PGAM1: variants seen among roughly 807,000 people sequenced by gnomAD.
The protein encoded by PGAM1 is BPG-dependent PGAM 1.
A neutral mutation model predicts 23.5 loss-of-function variants in PGAM1; 21 were observed. The ratio of observed to expected loss-of-function variants is 0.89; its 90% CI spans 0.63 to 1.29. The LOEUF is 1.29. PGAM1 is among the 50% of genes most tolerant of loss of function. PGAM1 has a pLI of 0.00. For synonymous variants in PGAM1, 109 were observed against 128.6 expected (o/e 0.85, Z 1.03); for missense variants, 232 against 336.3 (o/e 0.69, Z 2.42).
chr10:97,430,498 C>G lies in PGAM1; in HGVS notation c.259C>G (p.Leu87Val), dbSNP rs149578283. 5.0e-6 allele frequency: 8 copies of G among 1,601,794 alleles called. No individual in the cohort carries two copies. The highest frequency in any genetic ancestry group is 5.9e-6 in the Non-Finnish European group (7 of 1,179,664). ...GCTGCCAGTGGTGAGGACTTGGCGC[C>G]TCAATGAGCGGCACTATGGGGGTCT... ...MWLPVVRTWRLNERHYGGLTG... is the reference protein window; with the variant it reads ...MWLPVVRTWRVNERHYGGLTG... Residue 87 changes from leucine (L) to valine (V), a missense_variant, in exon 2 of 4, where the codon CTC (leucine) becomes GTC (valine). Physicochemically the swap from Leu to Val is conservative, Grantham distance 32 (BLOSUM62 1). This residue lies in a region of PGAM1 where 191 missense variants were observed against 241.7 expected (regional missense o/e 0.79). Transcript: ENST00000334828.
intron 1 of PGAM1, chr10:97,427,292 A>G: frequency 4.1e-6 from 4 of 986,536 alleles, no homozygotes; most frequent in African/African-American, 3.5e-5. Flanking sequence ...CAAGCCTCAG[A>G]ACACCAAGAA....
In PGAM1 at chr10:97,426,301, C is replaced by G; in HGVS notation, c.-7C>G. 10 of 1,610,214 alleles carry G rather than the reference C, an allele frequency of 6.2e-6. No homozygotes were observed. The highest frequency in any genetic ancestry group is 8.5e-6 in the Non-Finnish European group (10 of 1,179,252). ...CCCAGTCGGTGCCGCATCCCCAGCCCGCCGCCATGGCCGCCTACAAACTGG... is the reference window on the plus strand; with the variant it reads ...CCCAGTCGGTGCCGCATCCCCAGCCGGCCGCCATGGCCGCCTACAAACTGG... On this transcript the variant is annotated 5_prime_UTR_variant, in exon 1 of 4. Transcript: ENST00000334828.
chr10:97,427,534 C>T, intron 1 of PGAM1: 1 of 1,094,772 alleles, frequency 9.1e-7, no homozygotes, highest in Non-Finnish European at 1.1e-6. Context: ...ATTCCTAGTC[C>T]AGTGTCCTCG....
intron 2 of PGAM1, 68 bp from the exon 3 acceptor site, chr10:97,430,887 T>TA: frequency 6.3e-7 from 1 of 1,597,800 alleles, no homozygotes; most frequent in Non-Finnish European, 8.6e-7. Flanking sequence ...CCAAAATCGA[T>TA]ACATCATGAA....
At chr10:97,427,984 C>T (rs1483878175) in intron 1 of PGAM1, 3 of 1,219,656 alleles carry the variant, frequency 2.5e-6, no homozygotes, top group Admixed American at 2.3e-5. Context: ...TTTGAGATGG[C>T]CTGGTGTGAC....
rs1589456474 is a variant in PGAM1, at chr10:97,430,322, A to G, written c.140-57A>G. ...TTGTACAGGAGATTGATACTGAAGA[A>G]CATTTTGGCTCAGAGTAGACCTGGT... On this transcript the variant is annotated intron_variant, in intron 1 of 3. Coordinates refer to ENST00000334828, the MANE Select transcript of PGAM1 (RefSeq NM_002629.4). 2.8e-5 allele frequency: 45 copies of G among 1,600,728 alleles called. No homozygotes were observed. The East Asian group carries it at 1.0e-3, about 36-fold the overall frequency.
At chr10:97,431,873 G>T (rs900497644) in intron 3 of PGAM1, among the ~76,000 whole-genome samples, 19 of 148,546 alleles carry the variant, frequency 1.3e-4, no homozygotes, top group African/African-American at 4.4e-4. Flanking sequence ...GGGTGAGAGA[G>T]TAAGACCTTG....
chr10:97,429,464 G>C (rs1279492396), intron 1 of PGAM1, among the ~76,000 whole-genome samples: 1 of 152,176 alleles, frequency 6.6e-6, no homozygotes, highest in Non-Finnish European at 1.5e-5. Flanking sequence ...AATAACTACT[G>C]TGTATGGAAG....
In PGAM1 at chr10:97,430,362, G is replaced by A. The variant is rs765636042; in HGVS notation, c.140-17G>A. 6.2e-7 allele frequency: 1 copy of A among 1,611,826 alleles called. No individual in the cohort carries two copies. Among genetic ancestry groups the A allele is most frequent in the Non-Finnish European group, 8.5e-7 (1 of 1,179,866 alleles). On this transcript the variant is annotated splice_polypyrimidine_tract_variant and intron_variant, in intron 1 of 3. Coordinates refer to ENST00000334828, the MANE Select transcript of PGAM1 (RefSeq NM_002629.4). ...GTAGACCTGGTTAGCTTATCACTTT[G>A]AACTTCTGATTTCCAGATGCTGGCT...
chr10:97,432,217 C>T (rs1486887013), intron 3 of PGAM1, 138 bp from the exon 4 acceptor site: 2 of 1,220,666 alleles, frequency 1.6e-6, no homozygotes, highest in Non-Finnish European at 2.4e-6. Context: ...TCCCTGGGTT[C>T]AGAACTACTA....
At chr10:97,432,240 A>C (rs898995061) in intron 3 of PGAM1, 115 bp from the exon 4 acceptor site, 2 of 1,368,626 alleles carry the variant, frequency 1.5e-6, no homozygotes, top group Non-Finnish European at 2.1e-6. Flanking sequence ...AAGATCAGAA[A>C]GGGTGTCTTA....
At chr10:97,428,118 C>T (rs1845431561) in intron 1 of PGAM1, among the ~76,000 whole-genome samples, 1 of 152,146 alleles carries the variant, frequency 6.6e-6, no homozygotes. Context: ...CCACGTTAAA[C>T]CATGTTGTCT....
intron 1 of PGAM1, among the ~76,000 whole-genome samples, chr10:97,429,340 G>C (rs910528988): frequency 2.4e-4 from 36 of 152,096 alleles, no homozygotes; most frequent in Non-Finnish European, 5.0e-4. Context: ...TCCTGACCTT[G>C]TGATCTGCCC....
At chr10:97,426,491 C>T (rs1589454907) in intron 1 of PGAM1, 45 bp downstream of exon 1, 3 of 1,513,886 alleles carry the variant, frequency 2.0e-6, no homozygotes, top group East Asian at 2.5e-5. Context: ...GGGTGTCCGG[C>T]CTCGGAGGCC....
At chr10:97,427,620 G>A (rs1414100179) in intron 1 of PGAM1, 1 of 1,180,430 alleles carries the variant, frequency 8.5e-7, no homozygotes, top group Non-Finnish European at 1.1e-6. Context: ...GGCAAAGGTG[G>A]AAGTGGCTGT....
At position 97,431,124 on chromosome 10, in the gene PGAM1, A is replaced by G; in HGVS notation, c.584A>G (p.Lys195Arg). 1 of 1,614,228 alleles carries G rather than the reference A, an allele frequency of 6.2e-7. No homozygotes were observed. The highest frequency in any genetic ancestry group is 8.5e-7 in the Non-Finnish European group (1 of 1,180,050). The change falls in exon 3 of 4, where the codon AAG becomes AGG. Residue 195 changes from lysine (K) to arginine (R), a missense_variant. Lys to Arg is a conservative substitution (Grantham distance 26, BLOSUM62 2). Around this residue, in one of 3 missense-constraint regions of PGAM1, gnomAD observed 191 missense variants for 241.7 expected, o/e 0.79. Coordinates refer to ENST00000334828, the MANE Select transcript of PGAM1 (RefSeq NM_002629.4). Reference sequence around the variant, plus strand: ...GGCAACAGCCTCCGGGGCATTGTCAAGCATCTGGAGGGTATGTATGTTTTT... The same window carrying G: ...GGCAACAGCCTCCGGGGCATTGTCAGGCATCTGGAGGGTATGTATGTTTTT... ...AHGNSLRGIV[K>R]HLEGLSEEAI...
In PGAM1 at chr10:97,433,386, A is replaced by G. The variant is rs1224204138; in HGVS notation, c.*862A>G. On this transcript the variant is annotated 3_prime_UTR_variant, in exon 4 of 4. Coordinates refer to ENST00000334828, the MANE Select transcript of PGAM1 (RefSeq NM_002629.4). The stretch of plus-strand genomic sequence containing the variant: ...ACATGGGTCCAGTGTTCATCTGAGC[A>G]TAACTGTACTAAATCCTTTTTCCAT... 2.0e-5 allele frequency: 3 copies of G among 152,536 alleles called. No homozygotes were observed. Among genetic ancestry groups the G allele is most frequent in the African/African-American group, 7.2e-5 (3 of 41,422 alleles). 9.4% of individuals were successfully genotyped at this position (152,536 alleles called of 1,614,324 possible). A position where few individuals can be genotyped will look rare whatever the true frequency, so the allele number is the denominator to read the frequency against.
At position 97,432,504 on chromosome 10, in the gene PGAM1, C is replaced by T; in HGVS notation, c.745C>T (p.Gln249Ter). ...VRKAMEAVAA[Q>*]GKAKK ...CAAAGCCATGGAAGCTGTGGCTGCC[C>T]AGGGCAAGGCCAAGAAGTGAAGGCC... The change falls in exon 4 of 4, where the codon CAG (glutamine) becomes TAG (stop). Residue 249 changes from glutamine to a stop codon, truncating the protein, a stop_gained. Transcript: ENST00000334828. LOFTEE classifies it high-confidence loss of function. 1.2e-6 allele frequency: 2 copies of T among 1,604,848 alleles called. No homozygotes were observed. The highest frequency in any genetic ancestry group is 1.7e-6 in the Non-Finnish European group (2 of 1,174,116).
At chr10:97,427,864 C>T in intron 1 of PGAM1, 6 of 1,289,326 alleles carry the variant, frequency 4.7e-6, no homozygotes, top group Non-Finnish European at 6.1e-6. Flanking sequence ...CCTCAGATTG[C>T]TCTCCTAGCT....
Sources: allele counts gnomAD v4.1 joint callset (sites outside exome capture counted in the v4.1 genomes callset), GRCh38; gene constraint gnomAD v4.1.1; regional missense constraint gnomAD v4.1.1; transcripts MANE v1.5; gene names NCBI Gene and HGNC (gene_info 2026-07-23, HGNC 2026-07-21).